Variants in FNBP1L observed in about 807,000 individuals in gnomAD.
The protein encoded by FNBP1L is formin-binding protein 1-like.
FNBP1L carries 36 observed loss-of-function variants against 91.2 expected under a neutral mutation model. The ratio of observed to expected loss-of-function variants is 0.39; its 90% CI spans 0.30 to 0.52. The LOEUF (loss-of-function observed/expected upper bound fraction) is 0.52. FNBP1L is among the 20% of genes least tolerant of loss of function. The probability of loss-of-function intolerance (pLI) is 0.66; values close to 1 mark genes in which losing one functional copy is unlikely to be tolerated. For synonymous variants in FNBP1L, 242 were observed against 237.0 expected (o/e 1.02, Z -0.19); for missense variants, 571 against 732.1 (o/e 0.78, Z 2.54).
At chr1:93,507,083 ACACACACACACACACACACACACACTCT>A (rs1161473973) in intron 2 of FNBP1L, among the ~76,000 whole-genome samples, 88 of 130,262 alleles carry the variant, frequency 6.8e-4, no homozygotes, top group African/African-American at 2.6e-3. Flanking sequence ...ACACACACAC[ACACACACACACACACACACACACACTCT>A]CTCTCTCTCT....
At chr1:93,486,701 TG>T (rs1450148301) in intron 1 of FNBP1L, among the ~76,000 whole-genome samples, 2 of 152,198 alleles carry the variant, frequency 1.3e-5, no homozygotes, top group East Asian at 1.9e-4. Flanking sequence ...AATTTCCACG[TG>T]CTCCTACTAC....
intron 2 of FNBP1L, among the ~76,000 whole-genome samples, chr1:93,521,582 C>T (rs1671330728): frequency 6.6e-6 from 1 of 152,178 alleles, no homozygotes; most frequent in Admixed American, 6.5e-5. Flanking sequence ...CACATCCTCC[C>T]CATACTTTAA....
chr1:93,470,318 G>A (rs558249814), intron 1 of FNBP1L, among the ~76,000 whole-genome samples: 2 of 152,102 alleles, frequency 1.3e-5, no homozygotes, highest in South Asian at 4.2e-4. Context: ...TGTGGATACA[G>A]GGTCTCTTTA....
chr1:93,456,150 A>G (rs1331247377), intron 1 of FNBP1L, among the ~76,000 whole-genome samples: 1 of 152,224 alleles, frequency 6.6e-6, no homozygotes, highest in Admixed American at 6.5e-5. Flanking sequence ...GTCAGCATTT[A>G]GAATCTGTAT....
At position 93,509,754 on chromosome 1, in the gene FNBP1L, G is replaced by A. The variant is rs142425231; in HGVS notation, c.140+10171G>A. ...AGTGGGCGCAGGTCAGTGGGTGCAC[G>A]CACCGTGCACGAGCCCTGCTTGGGC... On this transcript the variant is annotated intron_variant, in intron 2 of 16. Coordinates refer to ENST00000271234, the MANE Select transcript of FNBP1L (RefSeq NM_001164473.3). Among the ~76,000 whole-genome samples, 189 of 152,326 alleles carry A rather than the reference G, an allele frequency of 1.2e-3. 4 individuals are homozygous for A. The highest frequency in any genetic ancestry group is 4.2e-3 in the African/African-American group (175 of 41,574).
chr1:93,525,879 T>A (rs908690422), intron 5 of FNBP1L, among the ~76,000 whole-genome samples: 1 of 152,138 alleles, frequency 6.6e-6, no homozygotes, highest in African/African-American at 2.4e-5. Flanking sequence ...TGCAGTCTAG[T>A]GAGGGAAACT....
chr1:93,475,441 A>C (rs1264175702), intron 1 of FNBP1L, among the ~76,000 whole-genome samples: 1 of 152,056 alleles, frequency 6.6e-6, no homozygotes, highest in Non-Finnish European at 1.5e-5. Flanking sequence ...TGGGAGGCTG[A>C]GGTGGGAGGA....
chr1:93,541,557 A>T (rs1265102119), intron 11 of FNBP1L, among the ~76,000 whole-genome samples: 3 of 129,710 alleles, frequency 2.3e-5, no homozygotes, highest in Non-Finnish European at 4.6e-5. Context: ...AACACAAATG[A>T]TCTAAATATC....
At chr1:93,541,583 T>TG (rs1244502743) in intron 11 of FNBP1L, among the ~76,000 whole-genome samples, 7 of 41,666 alleles carry the variant, frequency 1.7e-4, no homozygotes, top group Admixed American at 1.2e-3. Context: ...TGTGTTTGTG[T>TG]GGGGGGTGGG....
chr1:93,539,096 A>G (rs1408641336), intron 10 of FNBP1L, among the ~76,000 whole-genome samples: 1 of 152,034 alleles, frequency 6.6e-6, no homozygotes, highest in Non-Finnish European at 1.5e-5. Flanking sequence ...TTTGAGTTTT[A>G]TTGGATACTG....
intron 2 of FNBP1L, among the ~76,000 whole-genome samples, chr1:93,504,562 A>G (rs1670542812): frequency 6.6e-6 from 1 of 152,148 alleles, no homozygotes; most frequent in South Asian, 2.1e-4. Context: ...CTTTATCAGA[A>G]TTTGGTTTCT....
At chr1:93,527,400 G>C (rs1449436222) in intron 5 of FNBP1L, among the ~76,000 whole-genome samples, 2 of 152,088 alleles carry the variant, frequency 1.3e-5, no homozygotes. Context: ...TCCTGGACCT[G>C]GTACTTGCTA....
At chr1:93,545,287 A>G (rs536859691) in intron 12 of FNBP1L, among the ~76,000 whole-genome samples, 2 of 152,268 alleles carry the variant, frequency 1.3e-5, no homozygotes, top group South Asian at 4.1e-4. Context: ...TAGATTGCAA[A>G]AAGGATACAT....
At chr1:93,515,771 G>C (rs544223630) in intron 2 of FNBP1L, among the ~76,000 whole-genome samples, 15 of 127,072 alleles carry the variant, frequency 1.2e-4, no homozygotes, top group African/African-American at 4.0e-4. Context: ...GTTGTGGGGT[G>C]GGGGGAGGGG....
intron 1 of FNBP1L, among the ~76,000 whole-genome samples, chr1:93,475,155 T>C (rs539508015): frequency 3.9e-5 from 6 of 152,204 alleles, no homozygotes; most frequent in Admixed American, 2.0e-4. Flanking sequence ...GCAAAATATA[T>C]AGAGCTGCAG....
At chr1:93,547,089 G>A in intron 13 of FNBP1L, 115 bp downstream of exon 13, 5 of 1,236,092 alleles carry the variant, frequency 4.0e-6, no homozygotes, top group Non-Finnish European at 5.6e-6. Flanking sequence ...TAGGGTTTAT[G>A]ATCTAAAAGT....
chr1:93,492,424 A>G (rs981009578), intron 1 of FNBP1L, among the ~76,000 whole-genome samples: 10 of 152,340 alleles, frequency 6.6e-5, no homozygotes, highest in Admixed American at 5.9e-4. Flanking sequence ...CCACTGACAT[A>G]AGGAGAAAAG....
intron 1 of FNBP1L, among the ~76,000 whole-genome samples, chr1:93,468,466 T>C (rs1216974521): frequency 6.6e-6 from 1 of 152,220 alleles, no homozygotes; most frequent in Non-Finnish European, 1.5e-5. Flanking sequence ...GGTCTCGCTC[T>C]GTCATCCAGG....
chr1:93,478,105 A>T (rs1669557982), intron 1 of FNBP1L, among the ~76,000 whole-genome samples: 1 of 152,236 alleles, frequency 6.6e-6, no homozygotes, highest in African/African-American at 2.4e-5. Flanking sequence ...TGGGGAACTG[A>T]TAGTTCAAGA....
Sources: allele counts gnomAD v4.1 joint callset (sites outside exome capture counted in the v4.1 genomes callset), GRCh38; gene constraint gnomAD v4.1.1; transcripts MANE v1.5; gene names NCBI Gene and HGNC (gene_info 2026-07-23, HGNC 2026-07-21).